ACACA: variants seen among roughly 807,000 people sequenced by gnomAD.
The protein encoded by ACACA is acetyl-CoA carboxylase 1.
ACACA carries 103 observed loss-of-function variants against 296.1 expected under a neutral mutation model. That is an observed-to-expected ratio of 0.35 (90% CI 0.30 to 0.41). The LOEUF (loss-of-function observed/expected upper bound fraction) is 0.41, where lower values mean the gene tolerates loss of function less well. ACACA is among the 10% of genes least tolerant of loss of function. The probability of loss-of-function intolerance (pLI) is 1.00; values close to 1 mark genes in which losing one functional copy is unlikely to be tolerated. For synonymous variants in ACACA, 953 were observed against 1,038.6 expected (o/e 0.92, Z 1.58); for missense variants, 1,554 against 2,989.7 (o/e 0.52, Z 11.20).
intron 42 of ACACA, among the ~76,000 whole-genome samples, chr17:37,160,885 T>C (rs1242015212): frequency 1.3e-5 from 2 of 151,898 alleles, no homozygotes; most frequent in African/African-American, 4.8e-5. Context: ...TTTCAAAGGA[T>C]TGTTGGACTA....
chr17:37,244,516 TGA>T (rs2145980776), intron 21 of ACACA, 70 bp downstream of exon 21: 1 of 1,567,004 alleles, frequency 6.4e-7, no homozygotes, highest in East Asian at 2.2e-5. Flanking sequence ...ACAATCATTA[TGA>T]GACTTGGAAC....
intron 52 of ACACA, among the ~76,000 whole-genome samples, chr17:37,105,004 G>A (rs1157337164): frequency 6.8e-6 from 1 of 147,738 alleles, no homozygotes; most frequent in Non-Finnish European, 1.5e-5. Flanking sequence ...GCTGATTTCT[G>A]CAGCAGGAGG....
chr17:37,172,928 CA>C (rs1338929681), intron 41 of ACACA, among the ~76,000 whole-genome samples: 1 of 152,184 alleles, frequency 6.6e-6, no homozygotes, highest in African/African-American at 2.4e-5. Flanking sequence ...AACTCACCTT[CA>C]GCATAGTACA....
intron 3 of ACACA, among the ~76,000 whole-genome samples, chr17:37,305,892 G>GTTTT (rs1202121523): frequency 7.8e-6 from 1 of 128,716 alleles, no homozygotes; most frequent in Non-Finnish European, 1.7e-5. Context: ...AATTTTAGCA[G>GTTTT]TTTTTTTTTT....
chr17:37,121,234 A>G, intron 50 of ACACA, 121 bp downstream of exon 50: 1 of 1,341,580 alleles, frequency 7.5e-7, no homozygotes. Flanking sequence ...GAGAGGGCAG[A>G]ATCCCCAAAA....
At chr17:37,375,638 CTCTATT>C (rs1462205957) in intron 1 of ACACA, among the ~76,000 whole-genome samples, 5 of 152,158 alleles carry the variant, frequency 3.3e-5, no homozygotes, top group Non-Finnish European at 7.3e-5. Context: ...TAGTTTCCTG[CTCTATT>C]TCTATAATTC....
At chr17:37,146,845 C>T (rs1322525423) in intron 45 of ACACA, among the ~76,000 whole-genome samples, 1 of 149,104 alleles carries the variant, frequency 6.7e-6, no homozygotes, top group African/African-American at 2.5e-5. Context: ...CCAAAACCCC[C>T]CAACCCCCCT....
At chr17:37,169,915 T>C (rs913858353) in intron 41 of ACACA, among the ~76,000 whole-genome samples, 3 of 152,004 alleles carry the variant, frequency 2.0e-5, no homozygotes, top group South Asian at 2.1e-4. Flanking sequence ...CGCATGTAAG[T>C]GGGTGGGTTT....
chr17:37,227,818 C>T lies in ACACA; in HGVS notation c.3247-1366G>A, dbSNP rs933731373. Among the ~76,000 whole-genome samples, 11 of 148,914 alleles carry T rather than the reference C, an allele frequency of 7.4e-5. 1 individual carries two copies. Among genetic ancestry groups the T allele is most frequent in the Admixed American group, 6.8e-4 (10 of 14,692 alleles). On this transcript the variant is annotated intron_variant, in intron 25 of 55. Coordinates refer to ENST00000616317, the MANE Select transcript of ACACA (RefSeq NM_198834.3). Reference sequence around the variant, plus strand: ...GACCTTGCAGTGAGCCGAGATCGTGCCACTGCACTCCAGCCTGGGCAACAG... The same window carrying T: ...GACCTTGCAGTGAGCCGAGATCGTGTCACTGCACTCCAGCCTGGGCAACAG...
chr17:37,239,082 G>A (rs144983469), intron 24 of ACACA, among the ~76,000 whole-genome samples: 2 of 152,194 alleles, frequency 1.3e-5, no homozygotes, highest in Non-Finnish European at 2.9e-5. Flanking sequence ...TCCTGTCCTG[G>A]CCTCCCAAAG....
At chr17:37,269,522 G>A (rs1300284497) in intron 10 of ACACA, among the ~76,000 whole-genome samples, 3 of 152,154 alleles carry the variant, frequency 2.0e-5, no homozygotes, top group Non-Finnish European at 4.4e-5. Context: ...ACTATCTCAT[G>A]TAGTTTACTG....
rs1411362215 is a variant in ACACA at position 37,179,412 on chromosome 17, G to A, written c.4933-6C>T. 3 of 1,613,878 alleles carry A rather than the reference G, an allele frequency of 1.9e-6. No individual in the cohort carries two copies. The highest frequency in any genetic ancestry group is 3.3e-5 in the Admixed American group (2 of 59,992). Reference sequence around the variant, plus strand: ...TCCCAGAGTTTGATCAGGGACTAGTGGAGAAAAGAAGTTTGACTAATCAGT... The same window carrying A: ...TCCCAGAGTTTGATCAGGGACTAGTAGAGAAAAGAAGTTTGACTAATCAGT... On this transcript the variant is annotated splice_region_variant and splice_polypyrimidine_tract_variant and intron_variant, in intron 40 of 55. Coordinates refer to ENST00000616317, the MANE Select transcript of ACACA (RefSeq NM_198834.3).
intron 8 of ACACA, among the ~76,000 whole-genome samples, chr17:37,275,576 C>T (rs1217773919): frequency 6.6e-6 from 1 of 151,822 alleles, no homozygotes; most frequent in Non-Finnish European, 1.5e-5. Flanking sequence ...TAGGTTTTTC[C>T]TAGTGATCCA....
At position 37,370,667 on chromosome 17, in the gene ACACA, GTAAATAAATAAA is replaced by G. The variant is rs372775724; in HGVS notation, c.39-30829_39-30818del. 2.0e-5 allele frequency among the ~76,000 whole-genome samples: 3 copies of G among 148,836 alleles called. No individual in the cohort carries two copies. In the East Asian group the frequency reaches 6.0e-4, roughly 30 times the overall value. On this transcript the variant is annotated intron_variant, in intron 1 of 55. Transcript: ENST00000616317. ...GCTAGACTCTGTCTCCAAAAATAAT[GTAAATAAATAAA>G]TAAATAAATAAATAAAAATTAGGCC...
chr17:37,404,915 C>T (rs1264795905), intron 1 of ACACA, among the ~76,000 whole-genome samples: 1 of 152,098 alleles, frequency 6.6e-6, no homozygotes. Flanking sequence ...CTCCTTTGCT[C>T]TCAACCCTTC....
chr17:37,180,440 G>C (rs1481191797), intron 40 of ACACA, among the ~76,000 whole-genome samples: 2 of 152,132 alleles, frequency 1.3e-5, no homozygotes, highest in Non-Finnish European at 2.9e-5. Context: ...GGTAATACTG[G>C]TAGTATTGAC....
At chr17:37,376,194 G>T (rs1247796481) in intron 1 of ACACA, 3 of 1,531,064 alleles carry the variant, frequency 2.0e-6, no homozygotes, top group Non-Finnish European at 2.7e-6. Context: ...TACAGAGAGA[G>T]GCCTAGAAAG....
intron 29 of ACACA, among the ~76,000 whole-genome samples, chr17:37,212,043 T>C (rs543669139): frequency 1.3e-5 from 2 of 152,294 alleles, no homozygotes; most frequent in East Asian, 3.9e-4. Context: ...AGAATAGTTT[T>C]CCTTTTACGA....
intron 24 of ACACA, among the ~76,000 whole-genome samples, chr17:37,238,248 T>C (rs2080210250): frequency 6.6e-6 from 1 of 151,834 alleles, no homozygotes; most frequent in Admixed American, 6.6e-5. Context: ...GATTTTTGTG[T>C]ATAGGCATAA....
Sources: allele counts gnomAD v4.1 joint callset (sites outside exome capture counted in the v4.1 genomes callset), GRCh38; gene constraint gnomAD v4.1.1; transcripts MANE v1.5; gene names NCBI Gene and HGNC (gene_info 2026-07-23, HGNC 2026-07-21).